ZDHHC17: variants seen among roughly 807,000 people sequenced by gnomAD.
ZDHHC17 encodes zDHHC palmitoyltransferase 17.
ZDHHC17 carries 40 observed loss-of-function variants against 90.3 expected under a neutral mutation model. The observed-to-expected ratio is 0.44, with a 90% CI of 0.34 to 0.58. ZDHHC17 has a LOEUF of 0.58. Among genes scored for constraint, ZDHHC17 ranks in the 20% least tolerant of loss-of-function variants. The pLI, the probability that ZDHHC17 is intolerant of heterozygous loss-of-function variation, is 0.01. For synonymous variants in ZDHHC17, 235 were observed against 252.4 expected (o/e 0.93, Z 0.65); for missense variants, 614 against 780.8 (o/e 0.79, Z 2.55).
chr12:76,833,891 C>A (rs987543133), intron 10 of ZDHHC17, among the ~76,000 whole-genome samples: 10 of 152,104 alleles, frequency 6.6e-5, no homozygotes. Flanking sequence ...AAGGATGTTT[C>A]TCTTCGTATT....
At chr12:76,795,419 A>C (rs1255463297) in intron 1 of ZDHHC17, among the ~76,000 whole-genome samples, 1 of 152,128 alleles carries the variant, frequency 6.6e-6, no homozygotes, top group Non-Finnish European at 1.5e-5. Context: ...GGCTCTCAAT[A>C]CATGTTTTGT....
chr12:76,834,600 A>T (rs948206621), intron 10 of ZDHHC17, among the ~76,000 whole-genome samples: 4 of 152,158 alleles, frequency 2.6e-5, no homozygotes, highest in African/African-American at 9.7e-5. Context: ...ATCTTCAGTT[A>T]TCCAATCACC....
rs1234944727 is a variant in ZDHHC17 at position 76,852,036 on chromosome 12, CAGAA to C, written c.*1054_*1057del. 1 of 152,590 alleles carries C rather than the reference CAGAA, an allele frequency of 6.6e-6. No individual in the cohort carries two copies. The highest frequency in any genetic ancestry group is 1.9e-4 in the East Asian group (1 of 5,204). The allele number at this position is 152,590 out of a possible 1,614,324, so 9.5% of individuals were successfully genotyped here. ...TTCTGGTTTCAATAAAATGACCTAT[CAGAA>C]AGTAGAATTTCATCCCCAAGAGTAT... On this transcript the variant is annotated 3_prime_UTR_variant, in exon 17 of 17. Transcript: ENST00000426126.
intron 10 of ZDHHC17, among the ~76,000 whole-genome samples, chr12:76,839,745 C>A (rs1323257238): frequency 6.6e-6 from 1 of 152,150 alleles, no homozygotes; most frequent in Admixed American, 6.5e-5. Context: ...GTATTTGCCT[C>A]TTAAATTGGC....
chr12:76,781,529 T>C, intron 1 of ZDHHC17: 1 of 438,310 alleles, frequency 2.3e-6, no homozygotes, highest in Non-Finnish European at 4.6e-6. Context: ...GTGAGTTTGT[T>C]ACTCGAGAGT....
At chr12:76,815,816 G>T in intron 6 of ZDHHC17, 41 bp from the exon 7 acceptor site, 1 of 1,439,084 alleles carries the variant, frequency 6.9e-7, no homozygotes, top group Non-Finnish European at 9.2e-7. Flanking sequence ...TTGAAATTAG[G>T]GTTGTTGTTG....
Position 76,809,129 on chromosome 12 carries a change from T to G in ZDHHC17, c.398+9T>G. On this transcript the variant is annotated intron_variant, in intron 4 of 16. Transcript: ENST00000426126. ...TTGCACTGGGCCACAAGGTTTAAAT[T>G]TGCTTCTGGATTTTTTTCCTTTGGT... 1 of 1,526,934 alleles carries G rather than the reference T, an allele frequency of 6.5e-7. No homozygotes were observed. The highest frequency in any genetic ancestry group is 1.4e-5 in the African/African-American group (1 of 70,474). 94.6% of individuals were successfully genotyped at this position (1,526,934 alleles called of 1,614,324 possible). A position where few individuals can be genotyped will look rare whatever the true frequency, so the allele number is the denominator to read the frequency against.
intron 3 of ZDHHC17, 46 bp from the exon 4 acceptor site, chr12:76,808,997 A>G: frequency 7.8e-7 from 1 of 1,285,752 alleles, no homozygotes; most frequent in Non-Finnish European, 1.0e-6. Context: ...ATTTCTTAAA[A>G]TTGAAAATGA....
At chr12:76,777,972 A>G (rs941324358) in intron 1 of ZDHHC17, among the ~76,000 whole-genome samples, 1 of 152,256 alleles carries the variant, frequency 6.6e-6, no homozygotes, top group South Asian at 2.1e-4. Flanking sequence ...GGAAAAGGGG[A>G]TATCAGTGGG....
intron 1 of ZDHHC17, among the ~76,000 whole-genome samples, chr12:76,790,375 A>G (rs780428960): frequency 1.9e-4 from 29 of 152,074 alleles, no homozygotes; most frequent in Admixed American, 1.9e-3. Context: ...AGTGGCACGC[A>G]TCTGTAGTCC....
At chr12:76,816,290 C>T (rs972099160) in intron 7 of ZDHHC17, among the ~76,000 whole-genome samples, 4 of 151,840 alleles carry the variant, frequency 2.6e-5, no homozygotes, top group African/African-American at 9.7e-5. Flanking sequence ...TGGACTAATC[C>T]AGGAAAAGTT....
intron 1 of ZDHHC17, 114 bp downstream of exon 1, chr12:76,764,443 G>T: frequency 2.1e-6 from 2 of 970,794 alleles, no homozygotes; most frequent in Non-Finnish European, 3.0e-6. Context: ...GCCGAAGTTG[G>T]GGAGGGTGGG....
intron 13 of ZDHHC17, among the ~76,000 whole-genome samples, 179 bp downstream of exon 13, chr12:76,845,981 A>C (rs150509384): frequency 2.6e-5 from 4 of 152,170 alleles, no homozygotes; most frequent in African/African-American, 9.7e-5. Flanking sequence ...AAATTACAAA[A>C]TTAGTGGCTG....
In ZDHHC17 at chr12:76,851,240, A is replaced by G. The variant is rs1490393515; in HGVS notation, c.*255A>G. ...TTCTTAATGTGGAAATTCACAACATACTCAACTTTTGGGTTTTGTTCTCAC... is the reference window on the plus strand; with the variant it reads ...TTCTTAATGTGGAAATTCACAACATGCTCAACTTTTGGGTTTTGTTCTCAC... On this transcript the variant is annotated 3_prime_UTR_variant, in exon 17 of 17. Coordinates refer to ENST00000426126, the MANE Select transcript of ZDHHC17 (RefSeq NM_015336.4). The G allele has an allele frequency of 2.4e-6, 1 of 411,184 alleles. No individual in the cohort carries two copies. The highest frequency in any genetic ancestry group is 4.3e-6 in the Non-Finnish European group (1 of 234,668). 25.5% of individuals were successfully genotyped at this position (411,184 alleles called of 1,614,324 possible).
Position 76,775,689 on chromosome 12 carries a change from T to A in ZDHHC17, c.93+11360T>A, listed in dbSNP as rs148496533. On this transcript the variant is annotated intron_variant, in intron 1 of 16. Transcript: ENST00000426126. ...TAATCAATAGCATCTTTTGATTTTA[T>A]GAAATTCTGTCTCTAAGTAAAATTT... 6.3e-3 allele frequency among the ~76,000 whole-genome samples: 954 copies of A among 152,328 alleles called. 10 individuals are homozygous for A. Among genetic ancestry groups the A allele is most frequent in the Non-Finnish European group, 6.8e-3 (461 of 68,012 alleles).
chr12:76,812,911 C>G (rs1953043092), intron 5 of ZDHHC17, among the ~76,000 whole-genome samples: 1 of 151,962 alleles, frequency 6.6e-6, no homozygotes. Flanking sequence ...CATGGAATTC[C>G]CATAAGCTTT....
intron 1 of ZDHHC17, among the ~76,000 whole-genome samples, chr12:76,775,972 G>A (rs1952554294): frequency 6.6e-6 from 1 of 151,996 alleles, no homozygotes; most frequent in Admixed American, 6.6e-5. Flanking sequence ...CACTCATAAT[G>A]TAAATAGCCA....
intron 6 of ZDHHC17, 84 bp downstream of exon 6, chr12:76,815,294 C>G: frequency 1.2e-6 from 1 of 801,936 alleles, no homozygotes; most frequent in Non-Finnish European, 1.9e-6. Flanking sequence ...GCAGTTAATA[C>G]TATACTCACT....
intron 2 of ZDHHC17, among the ~76,000 whole-genome samples, chr12:76,797,939 TGCC>T (rs1952841078): frequency 1.2e-5 from 1 of 86,460 alleles, no homozygotes; most frequent in Non-Finnish European, 2.3e-5. Flanking sequence ...AGTGAAACTC[TGCC>T]ACACACACAC....
Sources: allele counts gnomAD v4.1 joint callset (sites outside exome capture counted in the v4.1 genomes callset), GRCh38; gene constraint gnomAD v4.1.1; transcripts MANE v1.5; gene names NCBI Gene and HGNC (gene_info 2026-07-23, HGNC 2026-07-21).